Variants in SPIDR observed in about 807,000 individuals in gnomAD.
The protein encoded by SPIDR is DNA repair-scaffolding protein.
In SPIDR, 93 loss-of-function variants were observed where a neutral mutation model predicts 104.6. The ratio of observed to expected loss-of-function variants is 0.89; its 90% CI spans 0.75 to 1.06. The LOEUF (loss-of-function observed/expected upper bound fraction) is 1.06, where lower values mean the gene tolerates loss of function less well. Ranked by LOEUF, SPIDR falls within the 50% of genes least tolerant of loss-of-function variation. SPIDR has a pLI of 0.00. For synonymous variants in SPIDR, 431 were observed against 416.9 expected (o/e 1.03, Z -0.41); for missense variants, 1,154 against 1,111.2 (o/e 1.04, Z -0.55).
At chr8:47,460,936 C>T (rs782655571) in intron 8 of SPIDR, among the ~76,000 whole-genome samples, 5 of 152,168 alleles carry the variant, frequency 3.3e-5, no homozygotes, top group Non-Finnish European at 7.3e-5. Flanking sequence ...TCACTTGATA[C>T]AAAGTTCTTG....
chr8:47,705,231 C>G (rs1188461521), intron 14 of SPIDR, among the ~76,000 whole-genome samples: 1 of 152,216 alleles, frequency 6.6e-6, no homozygotes, highest in Non-Finnish European at 1.5e-5. Context: ...TGAAGGGGTC[C>G]TCCCTCAGGG....
intron 8 of SPIDR, among the ~76,000 whole-genome samples, chr8:47,552,877 A>G (rs2090761789): frequency 6.6e-6 from 1 of 152,118 alleles, no homozygotes; most frequent in South Asian, 2.1e-4. Context: ...ACAATTTGGC[A>G]TGTTTTTGCA....
intron 10 of SPIDR, among the ~76,000 whole-genome samples, chr8:47,652,943 C>A (rs766111627): frequency 2.6e-4 from 40 of 152,136 alleles, no homozygotes; most frequent in Non-Finnish European, 4.7e-4. Context: ...TGCTAGTAGG[C>A]CCACTACAGT....
chr8:47,624,188 T>C (rs1349441812), intron 10 of SPIDR, among the ~76,000 whole-genome samples: 1 of 152,160 alleles, frequency 6.6e-6, no homozygotes, highest in East Asian at 1.9e-4. Context: ...TTGAAACCAA[T>C]GAGAACAAAG....
intron 1 of SPIDR, chr8:47,276,820 C>T (rs2036523741): frequency 6.6e-6 from 1 of 152,094 alleles, no homozygotes; most frequent in South Asian, 2.1e-4. Flanking sequence ...GGATTGGAAT[C>T]CTGATTGCTG....
intron 5 of SPIDR, among the ~76,000 whole-genome samples, chr8:47,389,123 T>G (rs551015617): frequency 6.6e-6 from 1 of 152,212 alleles, no homozygotes; most frequent in Non-Finnish European, 1.5e-5. Flanking sequence ...AGCTACATAG[T>G]CATTCTTTGC....
intron 10 of SPIDR, among the ~76,000 whole-genome samples, chr8:47,659,220 C>T (rs148015629): frequency 2.6e-5 from 4 of 152,186 alleles, no homozygotes; most frequent in African/African-American, 9.6e-5. Context: ...GATGACAGCA[C>T]GGTACTCCAG....
At chr8:47,443,760 C>T (rs2069964655) in intron 8 of SPIDR, among the ~76,000 whole-genome samples, 1 of 145,746 alleles carries the variant, frequency 6.9e-6, no homozygotes, top group Non-Finnish European at 1.5e-5. Context: ...TTTTTTTTAA[C>T]ATGGGCACAG....
At chr8:47,725,241 C>T (rs905112831) in intron 16 of SPIDR, among the ~76,000 whole-genome samples, 1 of 152,162 alleles carries the variant, frequency 6.6e-6, no homozygotes, top group Non-Finnish European at 1.5e-5. Context: ...ATACACCTTT[C>T]CCAAACCTAA....
intron 5 of SPIDR, among the ~76,000 whole-genome samples, chr8:47,359,542 A>G (rs1275694037): frequency 6.6e-6 from 1 of 152,230 alleles, no homozygotes; most frequent in Non-Finnish European, 1.5e-5. Flanking sequence ...CTGCAGTGAC[A>G]TGCATGGGTA....
intron 3 of SPIDR, among the ~76,000 whole-genome samples, chr8:47,287,954 C>T (rs2039180931): frequency 6.6e-6 from 1 of 152,114 alleles, no homozygotes; most frequent in Non-Finnish European, 1.5e-5. Flanking sequence ...ATGAAATCTT[C>T]ACAATTTATG....
intron 5 of SPIDR, among the ~76,000 whole-genome samples, chr8:47,335,066 A>C (rs1217633695): frequency 2.0e-5 from 3 of 152,220 alleles, no homozygotes; most frequent in African/African-American, 7.2e-5. Context: ...CATTTTACTT[A>C]CATGTAAGCA....
chr8:47,500,918 G>A (rs1479411403), intron 8 of SPIDR, among the ~76,000 whole-genome samples: 1 of 152,142 alleles, frequency 6.6e-6, no homozygotes, highest in Non-Finnish European at 1.5e-5. Context: ...CCCATTGCTT[G>A]TTTTTGTCAG....
At chr8:47,325,716 T>C (rs1410067421) in intron 5 of SPIDR, among the ~76,000 whole-genome samples, 1 of 152,184 alleles carries the variant, frequency 6.6e-6, no homozygotes, top group Non-Finnish European at 1.5e-5. Flanking sequence ...GACAGAGTTA[T>C]GTGAGATTTG....
At chr8:47,487,250 G>C (rs1554732132) in intron 8 of SPIDR, among the ~76,000 whole-genome samples, 2 of 152,156 alleles carry the variant, frequency 1.3e-5, no homozygotes, top group Non-Finnish European at 2.9e-5. Flanking sequence ...GATGAAAAGA[G>C]ACAAAGTTGG....
At chr8:47,293,296 A>G (rs2040268875) in intron 4 of SPIDR, among the ~76,000 whole-genome samples, 1 of 152,180 alleles carries the variant, frequency 6.6e-6, no homozygotes, top group South Asian at 2.1e-4. Flanking sequence ...GGAGGAAAAA[A>G]ATAACAATAC....
chr8:47,289,407 T>C (rs1449169322), intron 3 of SPIDR, among the ~76,000 whole-genome samples: 5 of 152,182 alleles, frequency 3.3e-5, no homozygotes, highest in Non-Finnish European at 7.3e-5. Context: ...GGATAAGATA[T>C]ATATGTACAT....
intron 10 of SPIDR, among the ~76,000 whole-genome samples, chr8:47,602,570 C>T (rs974464969): frequency 1.3e-5 from 2 of 152,194 alleles, no homozygotes; most frequent in Non-Finnish European, 2.9e-5. Flanking sequence ...CCACCCAGCC[C>T]AGGTCAGGTG....
chr8:47,513,581 C>T (rs148594039), intron 8 of SPIDR, among the ~76,000 whole-genome samples: 1 of 152,306 alleles, frequency 6.6e-6, no homozygotes, highest in Non-Finnish European at 1.5e-5. Flanking sequence ...GGAAAGTTGG[C>T]TTCCTCTTGT....
Sources: allele counts gnomAD v4.1 joint callset (sites outside exome capture counted in the v4.1 genomes callset), GRCh38; gene constraint gnomAD v4.1.1; transcripts MANE v1.5; gene names NCBI Gene and HGNC (gene_info 2026-07-23, HGNC 2026-07-21).